Variants in RNFT2 observed in about 807,000 individuals in gnomAD.
The protein encoded by RNFT2 is E3 ubiquitin-protein ligase RNFT2.
In RNFT2, 36 loss-of-function variants were observed where a neutral mutation model predicts 53.0. The ratio of observed to expected loss-of-function variants is 0.68; its 90% CI spans 0.52 to 0.90. RNFT2 has a LOEUF of 0.90. Among genes scored for constraint, RNFT2 ranks in the 40% least tolerant of loss-of-function variants. RNFT2 has a pLI of 0.00. For synonymous variants in RNFT2, 260 were observed against 253.2 expected, an observed-to-expected ratio of 1.03 and a Z score of -0.26; for missense variants, 514 against 585.6, an observed-to-expected ratio of 0.88 and a Z score of 1.26.
chr12:116,820,197 C>T (rs1875935138), intron 7 of RNFT2, among the ~76,000 whole-genome samples: 1 of 152,148 alleles, frequency 6.6e-6, no homozygotes, highest in Non-Finnish European at 1.5e-5. Context: ...CTCAGGTCAT[C>T]CTCCTGCCTC....
At chr12:116,753,019 A>C (rs1157177640) in intron 4 of RNFT2, among the ~76,000 whole-genome samples, 1 of 152,198 alleles carries the variant, frequency 6.6e-6, no homozygotes, top group African/African-American at 2.4e-5. Flanking sequence ...TGGTGGAAGA[A>C]AATTCAATTC....
intron 10 of RNFT2, among the ~76,000 whole-genome samples, chr12:116,842,319 G>A (rs1353940483): frequency 6.6e-6 from 1 of 152,068 alleles, no homozygotes; most frequent in Non-Finnish European, 1.5e-5. Flanking sequence ...CTTAAGGGAA[G>A]GGGATGCATG....
At chr12:116,782,431 ATG>A (rs1258527047) in intron 7 of RNFT2, among the ~76,000 whole-genome samples, 2 of 151,988 alleles carry the variant, frequency 1.3e-5, no homozygotes, top group Non-Finnish European at 2.9e-5. Flanking sequence ...GGAGCCCAAG[ATG>A]GGAGGATTGC....
rs140178133 is a variant in RNFT2 at position 116,834,850 on chromosome 12, C to CTT, written c.1032+926_1032+927dup. ...TTCAAGGTACATACTATTATTACTC[C>CTT]TTTTTTTTTTTTTTTTTTAGACCGA... is the stretch of plus-strand genomic sequence containing the variant. On this transcript the variant is annotated intron_variant, in intron 8 of 10. Coordinates refer to ENST00000257575, the MANE Select transcript of RNFT2 (RefSeq NM_001382266.1). Among the ~76,000 whole-genome samples, 32 of 136,682 alleles carry CTT rather than the reference C, an allele frequency of 2.3e-4. 1 individual carries two copies. Among genetic ancestry groups the CTT allele is most frequent in the African/African-American group, 7.1e-4 (26 of 36,766 alleles). 89.7% of individuals were successfully genotyped at this position (136,682 alleles called of 152,430 possible).
At position 116,850,114 on chromosome 12, in the gene RNFT2, G is replaced by C. The variant is rs1381644107; in HGVS notation, c.*666G>C. The C allele has an allele frequency of 2.7e-5, 4 of 149,594 alleles. No individual in the cohort carries two copies. Among genetic ancestry groups the C allele is most frequent in the African/African-American group, 7.4e-5 (3 of 40,452 alleles). 9.3% of individuals were successfully genotyped at this position (149,594 alleles called of 1,614,324 possible). ...CTCGCCTCAGCCTCACGAAGTGCTG[G>C]GATTACAGGCATGAGCCACCGTGCC... On this transcript the variant is annotated 3_prime_UTR_variant, in exon 11 of 11. Transcript: ENST00000257575.
intron 7 of RNFT2, among the ~76,000 whole-genome samples, chr12:116,792,636 G>C (rs1391287176): frequency 1.3e-5 from 2 of 152,152 alleles, no homozygotes; most frequent in Non-Finnish European, 2.9e-5. Context: ...CCTGTAGAAA[G>C]TGATGTGAAT....
chr12:116,783,709 A>G (rs931555978), intron 7 of RNFT2, among the ~76,000 whole-genome samples: 1 of 152,172 alleles, frequency 6.6e-6, no homozygotes, highest in African/African-American at 2.4e-5. Context: ...TTTCCTTAGC[A>G]CCTGTTGGCT....
chr12:116,840,384 G>A (rs1877190008), intron 10 of RNFT2, among the ~76,000 whole-genome samples: 1 of 152,196 alleles, frequency 6.6e-6, no homozygotes, highest in South Asian at 2.1e-4. Flanking sequence ...ACAGAACCAG[G>A]ATTCAAATCC....
At position 116,823,752 on chromosome 12, in the gene RNFT2, A is replaced by AT. The variant is rs553920818; in HGVS notation, c.883-10034dup. ...CATCCTCTTTGACCAGACTTAATTTATTTTTTCATATTTCCAGGCTGCTAA... is the reference window on the plus strand; with the variant it reads ...CATCCTCTTTGACCAGACTTAATTTATTTTTTTCATATTTCCAGGCTGCTAA... On this transcript the variant is annotated intron_variant, in intron 7 of 10. Coordinates refer to ENST00000257575, the MANE Select transcript of RNFT2 (RefSeq NM_001382266.1). Among the ~76,000 whole-genome samples the AT allele has an allele frequency of 1.5e-3, 225 of 152,082 alleles. 1 individual carries two copies. The highest frequency in any genetic ancestry group is 5.2e-3 in the African/African-American group (214 of 41,482).
chr12:116,769,325 T>A (rs1230876905), intron 6 of RNFT2, among the ~76,000 whole-genome samples: 2 of 152,114 alleles, frequency 1.3e-5, no homozygotes, highest in Non-Finnish European at 2.9e-5. Context: ...GCCACTGCAC[T>A]CCAGACAGAG....
chr12:116,749,939 C>G lies in RNFT2; in HGVS notation c.182C>G (p.Ser61Trp). Residue 61 changes from serine (S) to tryptophan (W), a missense_variant, in exon 4 of 11, where the codon TCG becomes TGG. By Grantham distance (177) the Ser-to-Trp change is radical (BLOSUM62 -3). This residue lies in a region of RNFT2 where 237 missense variants were observed against 235.1 expected (regional missense o/e 1.01). Coordinates refer to ENST00000257575, the MANE Select transcript of RNFT2 (RefSeq NM_001382266.1). Reference sequence around the variant, plus strand: ...GCAGCCTCCCCACCAGCGCTCTTCTCGGGCTTATCAGGCAGCCTCCCCACC... The same window carrying G: ...GCAGCCTCCCCACCAGCGCTCTTCTGGGGCTTATCAGGCAGCCTCCCCACC... ...AEAASPPALF[S>W]GLSGSLPTSS... is the part of the protein sequence containing the mutation. The G allele has an allele frequency of 6.3e-7, 1 of 1,575,096 alleles. No homozygotes were observed. The highest frequency in any genetic ancestry group is 8.6e-7 in the Non-Finnish European group (1 of 1,160,302).
At chr12:116,795,728 G>T (rs775791503) in intron 7 of RNFT2, among the ~76,000 whole-genome samples, 2 of 152,044 alleles carry the variant, frequency 1.3e-5, no homozygotes, top group Non-Finnish European at 2.9e-5. Context: ...ACATAAAAGC[G>T]GGCCCTTCCC....
chr12:116,745,947 CG>C (rs1269560886), intron 3 of RNFT2, among the ~76,000 whole-genome samples: 2 of 151,774 alleles, frequency 1.3e-5, no homozygotes, highest in East Asian at 1.9e-4. Flanking sequence ...ATCACTGTAG[CG>C]GGGGGCAGTG....
Position 116,852,535 on chromosome 12 carries a change from A to G in RNFT2, c.*3087A>G, listed in dbSNP as rs1877978168. 2.5e-6 allele frequency: 4 copies of G among 1,578,578 alleles called. No homozygotes were observed. Among genetic ancestry groups the G allele is most frequent in the Non-Finnish European group, 2.6e-6 (3 of 1,161,732 alleles). On this transcript the variant is annotated 3_prime_UTR_variant, in exon 11 of 11. Coordinates refer to ENST00000257575, the MANE Select transcript of RNFT2 (RefSeq NM_001382266.1). The stretch of plus-strand genomic sequence containing the variant: ...TCAAGTGGGAAGGGGAAGCAGAGGG[A>G]AATGGGGCCATGTGAATGCAGCTGC...
chr12:116,751,174 C>A (rs961779110), intron 4 of RNFT2, among the ~76,000 whole-genome samples: 1 of 151,608 alleles, frequency 6.6e-6, no homozygotes, highest in Non-Finnish European at 1.5e-5. Flanking sequence ...CCTAAGCCTC[C>A]CAAAGTGCTG....
chr12:116,849,627 G>A lies in RNFT2; in HGVS notation c.*179G>A, dbSNP rs780156470. 225 of 1,389,408 alleles carry A rather than the reference G, an allele frequency of 1.6e-4. No individual in the cohort carries two copies. The highest frequency in any genetic ancestry group is 2.0e-4 in the Non-Finnish European group (216 of 1,070,336). The allele number at this position is 1,389,408 out of a possible 1,614,324, so 86.1% of individuals were successfully genotyped here. A position where few individuals can be genotyped will look rare whatever the true frequency, so the allele number is the denominator to read the frequency against. On this transcript the variant is annotated 3_prime_UTR_variant, in exon 11 of 11. Transcript: ENST00000257575. ...CTTCTGACCTTCATCTTCCTCTCTC[G>A]TTCTGTGGTATAGTGCGTGCCTCCT...
chr12:116,766,743 C>A, intron 5 of RNFT2, 71 bp from the exon 6 acceptor site: 1 of 1,167,448 alleles, frequency 8.6e-7, no homozygotes, highest in Non-Finnish European at 1.2e-6. Flanking sequence ...AGCTGCCAGT[C>A]ATCAGGGTAC....
chr12:116,794,648 A>AGGGAGGGAGGGAGGGAGGG (rs1566083468), intron 7 of RNFT2, among the ~76,000 whole-genome samples: 9 of 36,746 alleles, frequency 2.4e-4, no homozygotes, highest in South Asian at 1.8e-3. Context: ...GGGAGGGGAG[A>AGGGAGGGAGGGAGGGAGGG]AGGAAGGAAG....
chr12:116,742,320 T>G (rs1039562865), intron 3 of RNFT2, among the ~76,000 whole-genome samples: 1 of 148,478 alleles, frequency 6.7e-6, no homozygotes, highest in Non-Finnish European at 1.5e-5. Context: ...CAGGCTAGAA[T>G]GCAGTGGCAC....
Sources: allele counts gnomAD v4.1 joint callset (sites outside exome capture counted in the v4.1 genomes callset), GRCh38; gene constraint gnomAD v4.1.1; regional missense constraint gnomAD v4.1.1; transcripts MANE v1.5; gene names NCBI Gene and HGNC (gene_info 2026-07-23, HGNC 2026-07-21).